The following SMARCC1 variants were observed in gnomAD, a reference collection of about 807,000 sequenced individuals.
SMARCC1 encodes SWI/SNF complex subunit SMARCC1.
A neutral mutation model predicts 147.4 loss-of-function variants in SMARCC1; 43 were observed. That is an observed-to-expected ratio of 0.29 (90% CI 0.23 to 0.38). The LOEUF (loss-of-function observed/expected upper bound fraction) is 0.38. SMARCC1 is among the 10% of genes least tolerant of loss of function. The pLI is 1.00. For missense variants in SMARCC1, 1,119 were observed against 1,381.1 expected, an observed-to-expected ratio of 0.81 and a Z score of 3.01; for synonymous variants, 495 against 484.4, an observed-to-expected ratio of 1.02 and a Z score of -0.29.
rs2034131278 is a variant in SMARCC1, at chr3:47,714,482, G to A, written c.725C>T (p.Thr242Ile). 2 of 1,543,304 alleles carry A rather than the reference G, an allele frequency of 1.3e-6. No homozygotes were observed. Among genetic ancestry groups the A allele is most frequent in the Admixed American group, 1.8e-5 (1 of 57,066 alleles). Reference sequence around the variant, plus strand: ...ATCAACATCATTACTATGGACCCAAGTATCATAGCTATAAAGGAATCAAAA... The same window carrying A: ...ATCAACATCATTACTATGGACCCAAATATCATAGCTATAAAGGAATCAAAA... Reference protein sequence around the residue: ...HWGFYPDSYDTWVHSNDVDAE... With the variant: ...HWGFYPDSYDIWVHSNDVDAE... The change falls in exon 8 of 28, where the codon ACT becomes ATT. Residue 242 changes from threonine (T) to isoleucine (I), a missense_variant. Physicochemically the swap from Thr to Ile is moderately conservative, Grantham distance 89 (BLOSUM62 -1). Coordinates refer to ENST00000254480, the MANE Select transcript of SMARCC1 (RefSeq NM_003074.4).
rs1576394697 is a variant in SMARCC1 at position 47,636,254 on chromosome 3, A to G, written c.2377-118T>C. On this transcript the variant is annotated intron_variant, in intron 22 of 27. Coordinates refer to ENST00000254480, the MANE Select transcript of SMARCC1 (RefSeq NM_003074.4). ...ATATTTTTGGCAAGAAATAGACTAG[A>G]TTCAAAAGTGACTTGTAGAGAACAG... 3 of 622,398 alleles carry G rather than the reference A, an allele frequency of 4.8e-6. No individual in the cohort carries two copies. The East Asian group carries it at 8.1e-5, about 17-fold the overall frequency. The allele number at this position is 622,398 out of a possible 1,614,324, so 38.6% of individuals were successfully genotyped here.
chr3:47,608,928 T>C (rs1039211408), intron 26 of SMARCC1, among the ~76,000 whole-genome samples: 6 of 146,154 alleles, frequency 4.1e-5, no homozygotes, highest in South Asian at 2.2e-4. Flanking sequence ...TGTGTTTGTG[T>C]GGGGGGGTTA....
chr3:47,652,158 T>C (rs1158077117), intron 21 of SMARCC1, among the ~76,000 whole-genome samples: 1 of 152,176 alleles, frequency 6.6e-6, no homozygotes, highest in Admixed American at 6.5e-5. Flanking sequence ...TTACTTTTTG[T>C]AGAGATGGGG....
intron 26 of SMARCC1, among the ~76,000 whole-genome samples, chr3:47,594,482 G>A (rs947447745): frequency 1.3e-5 from 2 of 152,212 alleles, no homozygotes; most frequent in Non-Finnish European, 2.9e-5. Flanking sequence ...ATCTAGGACA[G>A]AAATAGGCAG....
Position 47,648,241 on chromosome 3 carries a change from TGCCTCA to T in SMARCC1, c.2321-9467_2321-9462del, listed in dbSNP as rs762187582. On this transcript the variant is annotated intron_variant, in intron 21 of 27. Coordinates refer to ENST00000254480, the MANE Select transcript of SMARCC1 (RefSeq NM_003074.4). Reference sequence around the variant, plus strand: ...AACCCCTGACTTGAGGTGATCTGTATGCCTCAGCCTCCCAAAGTGCTGGAATTACAG... The same window carrying T: ...AACCCCTGACTTGAGGTGATCTGTATGCCTCCCAAAGTGCTGGAATTACAG... Among the ~76,000 whole-genome samples, 4 of 152,304 alleles carry T rather than the reference TGCCTCA, an allele frequency of 2.6e-5. 1 individual carries two copies. In the Middle Eastern group the frequency reaches 0.01, roughly 389 times the overall value.
At chr3:47,726,133 A>C (rs1559655460) in intron 6 of SMARCC1, among the ~76,000 whole-genome samples, 2 of 150,416 alleles carry the variant, frequency 1.3e-5, no homozygotes, top group African/African-American at 4.9e-5. Flanking sequence ...TTATTAAAAA[A>C]TAATAAACAA....
At position 47,586,076 on chromosome 3, in the gene SMARCC1, C is replaced by T. The variant is rs1344601478; in HGVS notation, c.*2133G>A. The T allele has an allele frequency of 3.3e-5, 5 of 152,272 alleles. No individual in the cohort carries two copies. The highest frequency in any genetic ancestry group is 1.2e-4 in the African/African-American group (5 of 41,316). The allele number at this position is 152,272 out of a possible 1,614,324, so 9.4% of individuals were successfully genotyped here. A position where few individuals can be genotyped will look rare whatever the true frequency, so the allele number is the denominator to read the frequency against. On this transcript the variant is annotated 3_prime_UTR_variant, in exon 28 of 28. Coordinates refer to ENST00000254480, the MANE Select transcript of SMARCC1 (RefSeq NM_003074.4). ...CTCACAAAATCAGGTGGCTGAATTACAGGAATAAAACCAGATCAAAGACAT... is the reference window on the plus strand; with the variant it reads ...CTCACAAAATCAGGTGGCTGAATTATAGGAATAAAACCAGATCAAAGACAT...
At chr3:47,595,544 TA>T (rs375005398) in intron 26 of SMARCC1, among the ~76,000 whole-genome samples, 2 of 812 alleles carry the variant, frequency 2.5e-3, no homozygotes, top group African/African-American at 1.5e-3. Context: ...AATAAATAAA[TA>T]AAATAAAATA....
chr3:47,590,270 ATTC>A (rs1310843144), intron 27 of SMARCC1, among the ~76,000 whole-genome samples: 2 of 152,218 alleles, frequency 1.3e-5, no homozygotes, highest in African/African-American at 4.8e-5. Flanking sequence ...ACTCACTTCT[ATTC>A]TTTTCTTTAC....
In SMARCC1 at chr3:47,745,969, C is replaced by G; in HGVS notation, c.340G>C (p.Ala114Pro). ...AGAATGTGACATAAGGCGCCTCCAG[C>G]TTTGAAATCCATGAAACACTTTGCC... is the stretch of plus-strand genomic sequence containing the variant. ...LPAKCFMDFK[A>P]GGALCHILGA... Residue 114 changes from alanine to proline, a missense_variant, in exon 3 of 28, where the codon GCT (alanine) becomes CCT (proline). This residue lies in a region of SMARCC1 where 542 missense variants were observed against 611.8 expected (regional missense o/e 0.89). Coordinates refer to ENST00000254480, the MANE Select transcript of SMARCC1 (RefSeq NM_003074.4). 1 of 1,583,848 alleles carries G rather than the reference C, an allele frequency of 6.3e-7. No homozygotes were observed. The highest frequency in any genetic ancestry group is 8.5e-7 in the Non-Finnish European group (1 of 1,169,722).
rs950774627 is a variant in SMARCC1, at chr3:47,633,927, A to C, written c.2646+1263T>G. The stretch of plus-strand genomic sequence containing the variant: ...GAGCAGCTCAGAGACAAAGAGATGC[A>C]CAAACACTCCAGGGTAGCAGAAGAC... On this transcript the variant is annotated intron_variant, in intron 24 of 27. Transcript: ENST00000254480. 6.6e-5 allele frequency among the ~76,000 whole-genome samples: 10 copies of C among 151,968 alleles called. No homozygotes were observed. In the East Asian group the frequency reaches 1.7e-3, roughly 26 times the overall value.
At chr3:47,754,138 G>A (rs1481927483) in intron 2 of SMARCC1, among the ~76,000 whole-genome samples, 1 of 151,664 alleles carries the variant, frequency 6.6e-6, no homozygotes, top group African/African-American at 2.4e-5. Context: ...CAATCACTGA[G>A]AATTTATCAT....
chr3:47,634,392 G>A (rs1325447323), intron 24 of SMARCC1, among the ~76,000 whole-genome samples: 1 of 152,152 alleles, frequency 6.6e-6, no homozygotes, highest in African/African-American at 2.4e-5. Flanking sequence ...AACACTTAGA[G>A]AAGTAGTTCA....
intron 25 of SMARCC1, among the ~76,000 whole-genome samples, chr3:47,616,395 G>A (rs987919275): frequency 6.6e-6 from 1 of 152,048 alleles, no homozygotes; most frequent in Non-Finnish European, 1.5e-5. Context: ...AAAATATGAG[G>A]GAGCTGGAAT....
intron 3 of SMARCC1, among the ~76,000 whole-genome samples, chr3:47,740,282 G>A (rs1341213417): frequency 6.1e-5 from 8 of 130,362 alleles, no homozygotes; most frequent in African/African-American, 1.1e-4. Context: ...TGCAACCTCC[G>A]CCTTCTGGGT....
rs560939923 is a variant in SMARCC1 at position 47,621,717 on chromosome 3, G to A, written c.2781+490C>T. Among the ~76,000 whole-genome samples the A allele has an allele frequency of 2.0e-5, 3 of 151,864 alleles. No homozygotes were observed. The South Asian group carries it at 6.2e-4, about 31-fold the overall frequency. ...ATATTGGTACTATGTTAACTATTTG[G>A]GTGACAGCTTCAATAGAAGCTTAAA... On this transcript the variant is annotated intron_variant, in intron 25 of 27. Coordinates refer to ENST00000254480, the MANE Select transcript of SMARCC1 (RefSeq NM_003074.4).
chr3:47,698,385 A>T (rs554405008), intron 11 of SMARCC1, among the ~76,000 whole-genome samples: 5 of 152,266 alleles, frequency 3.3e-5, no homozygotes, highest in African/African-American at 1.2e-4. Flanking sequence ...GAAGACAGAG[A>T]AAAAAGCAAA....
At chr3:47,611,850 G>A (rs1378139182) in intron 25 of SMARCC1, among the ~76,000 whole-genome samples, 1 of 152,192 alleles carries the variant, frequency 6.6e-6, no homozygotes, top group East Asian at 1.9e-4. Context: ...AAGAAAAGAT[G>A]CATGAGCAGG....
chr3:47,710,303 G>C (rs2106797820), intron 9 of SMARCC1, among the ~76,000 whole-genome samples: 1 of 152,218 alleles, frequency 6.6e-6, no homozygotes, highest in African/African-American at 2.4e-5. Flanking sequence ...GGGCTACAGA[G>C]CAAGACTCTG....
Sources: allele counts gnomAD v4.1 joint callset (sites outside exome capture counted in the v4.1 genomes callset), GRCh38; gene constraint gnomAD v4.1.1; regional missense constraint gnomAD v4.1.1; transcripts MANE v1.5; gene names NCBI Gene and HGNC (gene_info 2026-07-23, HGNC 2026-07-21).